The following PIK3C2G variants were observed in gnomAD, a reference collection of about 807,000 sequenced individuals.
PIK3C2G encodes the protein phosphatidylinositol-4-phosphate 3-kinase catalytic subunit type 2 gamma.
PIK3C2G carries 168 observed loss-of-function variants against 181.1 expected under a neutral mutation model. The observed-to-expected ratio is 0.93, with a 90% CI of 0.82 to 1.05. PIK3C2G has a LOEUF of 1.05. Ranked by LOEUF, PIK3C2G falls within the 50% of genes least tolerant of loss-of-function variation. PIK3C2G has a pLI of 0.00. For synonymous variants in PIK3C2G, 573 were observed against 592.2 expected, an observed-to-expected ratio of 0.97 and a Z score of 0.47; for missense variants, 1,869 against 1,732.8, an observed-to-expected ratio of 1.08 and a Z score of -1.40.
intron 25 of PIK3C2G, among the ~76,000 whole-genome samples, chr12:18,543,729 A>G (rs557895374): frequency 2.0e-5 from 3 of 151,928 alleles, no homozygotes; most frequent in East Asian, 3.9e-4. Context: ...TGGCCTCTCT[A>G]TTTTGTTCCA....
intron 1 of PIK3C2G, among the ~76,000 whole-genome samples, chr12:18,248,519 C>G (rs935931094): frequency 6.6e-6 from 1 of 152,062 alleles, no homozygotes; most frequent in Non-Finnish European, 1.5e-5. Flanking sequence ...TGCAGTGAGC[C>G]GAGATCGCGC....
chr12:18,256,131 G>C (rs1351214807), intron 1 of PIK3C2G, among the ~76,000 whole-genome samples: 3 of 152,098 alleles, frequency 2.0e-5, no homozygotes, highest in African/African-American at 7.2e-5. Flanking sequence ...TATTTTGTAA[G>C]AAAGAACTAG....
intron 24 of PIK3C2G, among the ~76,000 whole-genome samples, chr12:18,505,788 T>C (rs1941789092): frequency 6.6e-6 from 1 of 152,176 alleles, no homozygotes; most frequent in Non-Finnish European, 1.5e-5. Context: ...GAATTGATGA[T>C]CTCAAAACAT....
chr12:18,642,134 T>A (rs1350101576), intron 32 of PIK3C2G, among the ~76,000 whole-genome samples: 1 of 152,218 alleles, frequency 6.6e-6, no homozygotes, highest in Non-Finnish European at 1.5e-5. Flanking sequence ...CCATTCATTC[T>A]TTCTTTTATA....
At chr12:18,348,981 A>G (rs1939953138) in intron 11 of PIK3C2G, among the ~76,000 whole-genome samples, 1 of 152,144 alleles carries the variant, frequency 6.6e-6, no homozygotes, top group Non-Finnish European at 1.5e-5. Context: ...TCAGTTCCCC[A>G]TGGTGTATAG....
intron 29 of PIK3C2G, among the ~76,000 whole-genome samples, chr12:18,576,699 TAAGGCTTCTGCCCTAGAG>T (rs1316818556): frequency 6.6e-6 from 1 of 152,218 alleles, no homozygotes; most frequent in Non-Finnish European, 1.5e-5. Flanking sequence ...GAATTATGAC[TAAGGCTTCTGCCCTAGAG>T]AATCAAGGAA....
intron 16 of PIK3C2G, among the ~76,000 whole-genome samples, chr12:18,403,498 T>C (rs1944364872): frequency 6.6e-6 from 1 of 152,200 alleles, no homozygotes; most frequent in African/African-American, 2.4e-5. Context: ...TATGTGCTTA[T>C]TAAGTGAGTT....
At position 18,405,489 on chromosome 12, in the gene PIK3C2G, G is replaced by C. The variant is rs115269300; in HGVS notation, c.2315+5642G>C. 2.3e-3 allele frequency among the ~76,000 whole-genome samples: 349 copies of C among 151,728 alleles called. 3 individuals carry two copies. The highest frequency in any genetic ancestry group is 7.6e-3 in the African/African-American group (315 of 41,386). On this transcript the variant is annotated intron_variant, in intron 16 of 32. Transcript: ENST00000538779. ...GGTTAGAGTGCAGTGGTGCGATCTC[G>C]GTTCACAGCAACCTCCGCCTCCCCG...
chr12:18,690,067 C>T, the PIK3C2G span, among the ~76,000 whole-genome samples: 1 of 152,130 alleles, frequency 6.6e-6, no homozygotes, highest in African/African-American at 2.4e-5. Context: ...TGCCTTCCAC[C>T]TTCACTTTCT....
At chr12:18,405,954 C>T (rs537551124) in intron 16 of PIK3C2G, among the ~76,000 whole-genome samples, 1 of 152,178 alleles carries the variant, frequency 6.6e-6, no homozygotes, top group African/African-American at 2.4e-5. Context: ...GATCTCCACG[C>T]AGTGCAATAG....
chr12:18,284,165 A>C (rs1231030474), intron 2 of PIK3C2G, among the ~76,000 whole-genome samples: 1 of 152,152 alleles, frequency 6.6e-6, no homozygotes, highest in Non-Finnish European at 1.5e-5. Context: ...CGTTTGGCTG[A>C]GAATTGGATA....
At chr12:18,456,260 A>G (rs1178904388) in intron 18 of PIK3C2G, among the ~76,000 whole-genome samples, 2 of 152,186 alleles carry the variant, frequency 1.3e-5, no homozygotes, top group Non-Finnish European at 2.9e-5. Flanking sequence ...CATGACAAGG[A>G]AATTAAGGAT....
chr12:18,361,745 G>C (rs1004272457), intron 11 of PIK3C2G, among the ~76,000 whole-genome samples: 1 of 152,182 alleles, frequency 6.6e-6, no homozygotes, highest in Non-Finnish European at 1.5e-5. Context: ...GAGGTGATCA[G>C]ATCTTTTTGT....
At chr12:18,482,622 C>T (rs1387268259) in intron 18 of PIK3C2G, among the ~76,000 whole-genome samples, 1 of 152,144 alleles carries the variant, frequency 6.6e-6, no homozygotes, top group Admixed American at 6.5e-5. Flanking sequence ...TCTTTGCCCC[C>T]CCTTTTCTCC....
At chr12:18,432,247 A>AG (rs754756736) in intron 18 of PIK3C2G, among the ~76,000 whole-genome samples, 27 of 152,350 alleles carry the variant, frequency 1.8e-4, no homozygotes, top group Middle Eastern at 6.8e-3. Context: ...AAAGAGCTCC[A>AG]GCATCAATGT....
chr12:18,279,768 G>A (rs1364510378), intron 1 of PIK3C2G, among the ~76,000 whole-genome samples: 2 of 151,780 alleles, frequency 1.3e-5, no homozygotes, highest in Non-Finnish European at 2.9e-5. Flanking sequence ...ATATAGCTAT[G>A]TGACTCATGA....
At position 18,361,054 on chromosome 12, in the gene PIK3C2G, C is replaced by T. The variant is rs187359805; in HGVS notation, c.1626-1710C>T. Among the ~76,000 whole-genome samples, 399 of 151,988 alleles carry T rather than the reference C, an allele frequency of 2.6e-3. 2 individuals are homozygous for T. Among genetic ancestry groups the T allele is most frequent in the Non-Finnish European group, 3.3e-3 (225 of 67,974 alleles). ...TGACGGTGCCCATTATTCTCTTTGG[C>T]TTTCTTCAGTTCATTGTGGGGTTTT... On this transcript the variant is annotated intron_variant, in intron 11 of 32. Coordinates refer to ENST00000538779, the MANE Select transcript of PIK3C2G (RefSeq NM_001288772.2).
At chr12:18,368,061 C>G (rs1254077235) in intron 12 of PIK3C2G, among the ~76,000 whole-genome samples, 1 of 152,080 alleles carries the variant, frequency 6.6e-6, no homozygotes, top group Admixed American at 6.5e-5. Context: ...ATCATGAGAA[C>G]AACATGGGGG....
chr12:18,667,159 A>G, the PIK3C2G span, among the ~76,000 whole-genome samples: 1 of 152,196 alleles, frequency 6.6e-6, no homozygotes, highest in East Asian at 1.9e-4. Flanking sequence ...ATAAGGTCTC[A>G]TGATGAGGGT....
Sources: gnomAD v4.1 joint callset for allele counts (sites outside exome capture counted in the v4.1 genomes callset) on GRCh38, gnomAD v4.1.1 for gene constraint, MANE v1.5 for transcripts, NCBI Gene and HGNC (gene_info 2026-07-23, HGNC 2026-07-21) for gene names.